The following DNAJC13 variants were observed in gnomAD, a reference collection of about 807,000 sequenced individuals.
DNAJC13 encodes dnaJ homolog subfamily C member 13.
DNAJC13 carries 75 observed loss-of-function variants against 290.5 expected under a neutral mutation model. The ratio of observed to expected loss-of-function variants is 0.26; its 90% CI spans 0.21 to 0.31. The LOEUF is 0.31. Ranked by LOEUF, DNAJC13 falls within the 10% of genes least tolerant of loss-of-function variation. The pLI, the probability that DNAJC13 is intolerant of heterozygous loss-of-function variation, is 1.00. For missense variants in DNAJC13, 2,260 were observed against 2,674.5 expected (o/e 0.85, Z 3.42); for synonymous variants, 862 against 892.0 (o/e 0.97, Z 0.60).
chr3:132,481,078 T>C (rs1039607348), intron 26 of DNAJC13, among the ~76,000 whole-genome samples: 4 of 152,004 alleles, frequency 2.6e-5, no homozygotes, highest in African/African-American at 9.7e-5. Context: ...CCCTTGGAGG[T>C]GGTTACTATC....
At chr3:132,511,956 T>C (rs1935790891) in intron 44 of DNAJC13, among the ~76,000 whole-genome samples, 1 of 152,194 alleles carries the variant, frequency 6.6e-6, no homozygotes. Flanking sequence ...TTCTGACTTT[T>C]GGGTTATTGC....
chr3:132,506,177 C>T (rs1457577885), intron 42 of DNAJC13, among the ~76,000 whole-genome samples: 2 of 148,640 alleles, frequency 1.3e-5, no homozygotes, highest in African/African-American at 2.5e-5. Flanking sequence ...CTCAGCTTCT[C>T]GAGTAGCTGG....
intron 2 of DNAJC13, among the ~76,000 whole-genome samples, chr3:132,438,096 A>G (rs1272359834): frequency 6.6e-6 from 1 of 150,992 alleles, no homozygotes; most frequent in Admixed American, 6.6e-5. Context: ...TAGGCATTAC[A>G]TTGAATCTGT....
chr3:132,522,485 G>A (rs748754385), intron 48 of DNAJC13, among the ~76,000 whole-genome samples: 23 of 152,134 alleles, frequency 1.5e-4, no homozygotes, highest in Non-Finnish European at 3.1e-4. Context: ...AGGGCATTCT[G>A]CATATTGTAA....
chr3:132,431,286 G>A (rs574650016), intron 1 of DNAJC13, among the ~76,000 whole-genome samples: 8 of 152,234 alleles, frequency 5.3e-5, no homozygotes, highest in African/African-American at 1.7e-4. Flanking sequence ...AGTAGAATTA[G>A]GTGAATAATA....
intron 1 of DNAJC13, among the ~76,000 whole-genome samples, chr3:132,430,392 T>C (rs767987810): frequency 5.3e-5 from 8 of 152,108 alleles, no homozygotes; most frequent in Non-Finnish European, 8.8e-5. Context: ...TTCCCCCCTA[T>C]GGGTTTATTA....
At chr3:132,440,294 A>T (rs1483197866) in intron 2 of DNAJC13, among the ~76,000 whole-genome samples, 1 of 152,246 alleles carries the variant, frequency 6.6e-6, no homozygotes, top group Non-Finnish European at 1.5e-5. Flanking sequence ...ACATAAATGT[A>T]CTAATTATAA....
At chr3:132,473,328 A>G (rs1225107139) in intron 21 of DNAJC13, 101 bp downstream of exon 21, 5 of 744,312 alleles carry the variant, frequency 6.7e-6, no homozygotes, top group Admixed American at 2.9e-5. Context: ...TTTATGCCAC[A>G]TGTATTTTTA....
chr3:132,434,709 C>G (rs1939335056), intron 2 of DNAJC13, 91 bp downstream of exon 2: 4 of 1,002,632 alleles, frequency 4.0e-6, no homozygotes, highest in East Asian at 2.5e-5. Context: ...TACTGCACAA[C>G]TCAGGCTATA....
chr3:132,479,429 TCTC>T (rs1350179468), intron 25 of DNAJC13, 140 bp downstream of exon 25: 19 of 598,456 alleles, frequency 3.2e-5, no homozygotes, highest in South Asian at 6.9e-5. Context: ...TGTGCTCTAA[TCTC>T]CTGGAGGGAG....
Position 132,503,236 on chromosome 3 carries a change from A to G in DNAJC13, c.4739A>G (p.Lys1580Arg), listed in dbSNP as rs1290437349. ...NQQEVANSLA[K>R]LSVHALSRLG... ...CAGGAGGTAGCAAACAGCCTTGCCA[A>G]ACTGAGTGTCCATGCTCTGAGTCGC... The change falls in exon 41 of 56, where the codon AAA becomes AGA. Residue 1580 changes from lysine (K) to arginine (R), a missense_variant. Around this residue, in one of 3 missense-constraint regions of DNAJC13, gnomAD observed 1,494 missense variants for 1,693.7 expected, o/e 0.88. Coordinates refer to ENST00000260818, the MANE Select transcript of DNAJC13 (RefSeq NM_015268.4). 3 of 1,613,858 alleles carry G rather than the reference A, an allele frequency of 1.9e-6. No homozygotes were observed. Among genetic ancestry groups the G allele is most frequent in the Non-Finnish European group, 2.5e-6 (3 of 1,179,910 alleles).
chr3:132,535,417 C>T (rs1326659399), intron 55 of DNAJC13, among the ~76,000 whole-genome samples: 2 of 152,070 alleles, frequency 1.3e-5, no homozygotes, highest in African/African-American at 4.8e-5. Flanking sequence ...GGAATTTTTC[C>T]TGTGATGCAG....
At chr3:132,442,832 A>G (rs894521605) in intron 2 of DNAJC13, among the ~76,000 whole-genome samples, 1 of 152,192 alleles carries the variant, frequency 6.6e-6, no homozygotes, top group African/African-American at 2.4e-5. Context: ...TAAAGTCAAT[A>G]TGAATATTAA....
intron 20 of DNAJC13, among the ~76,000 whole-genome samples, chr3:132,471,509 G>A (rs559976344): frequency 7.2e-6 from 1 of 139,104 alleles, no homozygotes; most frequent in Non-Finnish European, 1.6e-5. Context: ...GCCAGGCAGA[G>A]GGTCTCCTCA....
In DNAJC13 at chr3:132,482,280, T is replaced by C. The variant is rs1209368456; in HGVS notation, c.2929T>C (p.Tyr977His). ...DMKRESEKEW[Y>H]FGNADKERSG... ...GAAAAGAGAGAGTGAAAAGGAATGG[T>C]ATTTTGGCAACGCAGACAAAGAAAG... Residue 977 changes from tyrosine to histidine, a missense_variant, in exon 27 of 56, where the codon TAT (tyrosine) becomes CAT (histidine). Around this residue, in one of 3 missense-constraint regions of DNAJC13, gnomAD observed 1,494 missense variants for 1,693.7 expected, o/e 0.88. Coordinates refer to ENST00000260818, the MANE Select transcript of DNAJC13 (RefSeq NM_015268.4). 3.7e-6 allele frequency: 6 copies of C among 1,613,866 alleles called. No homozygotes were observed. The East Asian group carries it at 1.3e-4, about 36-fold the overall frequency.
At chr3:132,453,734 T>C in intron 8 of DNAJC13, 40 bp downstream of exon 8, 1 of 1,499,342 alleles carries the variant, frequency 6.7e-7, no homozygotes, top group Non-Finnish European at 9.1e-7. Context: ...GATTTCTTTC[T>C]ATTGATAAAT....
At chr3:132,477,655 C>T (rs1934517992) in intron 22 of DNAJC13, 134 bp from the exon 23 acceptor site, 2 of 620,402 alleles carry the variant, frequency 3.2e-6, no homozygotes, top group South Asian at 2.2e-5. Context: ...CTAAAATAGT[C>T]ATGTTAACAA....
intron 29 of DNAJC13, among the ~76,000 whole-genome samples, chr3:132,485,855 A>G (rs1358520094): frequency 1.3e-5 from 2 of 152,206 alleles, no homozygotes; most frequent in African/African-American, 4.8e-5. Flanking sequence ...ACTTCAGATT[A>G]ACATTAAACC....
chr3:132,480,558 T>C (rs1336416024), intron 26 of DNAJC13, 88 bp downstream of exon 26: 1 of 977,520 alleles, frequency 1.0e-6, no homozygotes. Flanking sequence ...TGAAAAGATG[T>C]GGTCACACAC....
Sources: gnomAD v4.1 joint callset for allele counts (sites outside exome capture counted in the v4.1 genomes callset) on GRCh38, gnomAD v4.1.1 for gene constraint, gnomAD v4.1.1 regional missense constraint, MANE v1.5 for transcripts, NCBI Gene and HGNC (gene_info 2026-07-23, HGNC 2026-07-21) for gene names.